The following KCNMB2 variants were observed in gnomAD, a reference collection of about 807,000 sequenced individuals.
KCNMB2 encodes calcium-activated potassium channel subunit beta-2.
In KCNMB2, 9 loss-of-function variants were observed where a neutral mutation model predicts 24.5. That is an observed-to-expected ratio of 0.37 (90% CI 0.22 to 0.64). The LOEUF (loss-of-function observed/expected upper bound fraction) is 0.64. Among genes scored for constraint, KCNMB2 ranks in the 30% least tolerant of loss-of-function variants. The pLI is 0.63. For synonymous variants in KCNMB2, 109 were observed against 104.4 expected, an observed-to-expected ratio of 1.04 and a Z score of -0.27; for missense variants, 226 against 284.3, an observed-to-expected ratio of 0.79 and a Z score of 1.47.
intron 1 of KCNMB2, among the ~76,000 whole-genome samples, chr3:178,759,362 TCTCC>T (rs1176102069): frequency 0.025 from 1,185 of 48,366 alleles, 247 homozygotes; most frequent in Middle Eastern, 0.083. Context: ...TATATATATA[TCTCC>T]AAGAGGATAT....
At chr3:178,570,408 A>T (rs935900582) in intron 1 of KCNMB2, among the ~76,000 whole-genome samples, 1 of 152,162 alleles carries the variant, frequency 6.6e-6, no homozygotes, top group Non-Finnish European at 1.5e-5. Context: ...AAATATTTCA[A>T]GAAGACTAGA....
chr3:178,568,378 C>T (rs1464508209), intron 1 of KCNMB2, among the ~76,000 whole-genome samples: 4 of 152,168 alleles, frequency 2.6e-5, no homozygotes, highest in Admixed American at 1.3e-4. Context: ...ATGTATGTTC[C>T]TGCTATGTTT....
rs112641792 is a variant in KCNMB2 at position 178,550,168 on chromosome 3, C to T, written c.-68+13457C>T. Among the ~76,000 whole-genome samples the T allele has an allele frequency of 1.6e-3, 240 of 151,896 alleles. 3 individuals carry two copies. The highest frequency in any genetic ancestry group is 5.2e-3 in the African/African-American group (215 of 41,424). The stretch of plus-strand genomic sequence containing the variant: ...TTCCTTTGTTAAAAAATGATTTGCC[C>T]GGCCAGGCACAGTGGCTCACGCCTG... On this transcript the variant is annotated intron_variant, in intron 1 of 4. Transcript: ENST00000452583.
intron 1 of KCNMB2, among the ~76,000 whole-genome samples, chr3:178,688,883 T>C (rs1721565297): frequency 6.6e-6 from 1 of 152,196 alleles, no homozygotes; most frequent in Non-Finnish European, 1.5e-5. Flanking sequence ...AATATCTATA[T>C]GTACCAGCTT....
chr3:178,659,458 T>G (rs1276336602), intron 1 of KCNMB2, among the ~76,000 whole-genome samples: 2 of 152,360 alleles, frequency 1.3e-5, no homozygotes, highest in African/African-American at 2.4e-5. Context: ...TCAACTTTGA[T>G]GTCAATTTCA....
rs138048794 is a variant in KCNMB2 at position 178,660,460 on chromosome 3, A to C, written c.-68+123749A>C. 1.6e-3 allele frequency among the ~76,000 whole-genome samples: 251 copies of C among 152,266 alleles called. 1 individual carries two copies. The highest frequency in any genetic ancestry group is 2.4e-3 in the Non-Finnish European group (161 of 68,010). ...TCACTGGGGCCCCTTCCCAAGAAGG[A>C]CCACCTGGAACCAGGAAACAACTAC... is the stretch of plus-strand genomic sequence containing the variant. On this transcript the variant is annotated intron_variant, in intron 1 of 4. Transcript: ENST00000452583.
At chr3:178,741,546 C>A (rs1488410417) in intron 1 of KCNMB2, among the ~76,000 whole-genome samples, 1 of 152,152 alleles carries the variant, frequency 6.6e-6, no homozygotes, top group Non-Finnish European at 1.5e-5. Context: ...ACAGGTCATC[C>A]CTCCCTGTCT....
intron 1 of KCNMB2, among the ~76,000 whole-genome samples, chr3:178,658,116 T>A (rs576140115): frequency 1.3e-5 from 2 of 152,228 alleles, no homozygotes; most frequent in Non-Finnish European, 2.9e-5. Context: ...TAGAATCCCA[T>A]CCAGCTTAAA....
Position 178,724,480 on chromosome 3 carries a change from TTTG to T in KCNMB2, c.-67-82858_-67-82856del, listed in dbSNP as rs1467506744. Among the ~76,000 whole-genome samples the T allele has an allele frequency of 2.0e-5, 3 of 152,254 alleles. 1 individual carries two copies. The East Asian group carries it at 5.8e-4, about 29-fold the overall frequency. Reference sequence around the variant, plus strand: ...CCTGCTTTCTCTGTTGATAGTTTCTTTTGTTGTACAGAAGCTCTTTAGTTTAAT... The same window carrying T: ...CCTGCTTTCTCTGTTGATAGTTTCTTTTGTACAGAAGCTCTTTAGTTTAAT... On this transcript the variant is annotated intron_variant, in intron 1 of 4. Transcript: ENST00000452583.
At chr3:178,812,926 T>A (rs2108456780) in intron 2 of KCNMB2, among the ~76,000 whole-genome samples, 1 of 152,346 alleles carries the variant, frequency 6.6e-6, no homozygotes, top group Non-Finnish European at 1.5e-5. Context: ...GTGTATTTAC[T>A]ATTCTTAGCC....
At chr3:178,593,749 T>C (rs1356512343) in intron 1 of KCNMB2, among the ~76,000 whole-genome samples, 1 of 151,570 alleles carries the variant, frequency 6.6e-6, no homozygotes, top group East Asian at 1.9e-4. Context: ...TGTTGCAATG[T>C]CCTTCCAACA....
intron 2 of KCNMB2, among the ~76,000 whole-genome samples, chr3:178,817,228 A>ATATATATATATATATAT (rs1553781212): frequency 2.0e-5 from 2 of 102,404 alleles, no homozygotes; most frequent in African/African-American, 1.1e-4. Flanking sequence ...TATATATATA[A>ATATATATATATATATAT]ATGAAGTGTG....
At chr3:178,545,441 A>C (rs1410807429) in intron 1 of KCNMB2, among the ~76,000 whole-genome samples, 1 of 152,206 alleles carries the variant, frequency 6.6e-6, no homozygotes, top group Non-Finnish European at 1.5e-5. Flanking sequence ...TCATCCACAA[A>C]GGTAAAATAT....
intron 1 of KCNMB2, among the ~76,000 whole-genome samples, chr3:178,697,710 C>A (rs1721931399): frequency 6.6e-6 from 1 of 152,102 alleles, no homozygotes; most frequent in Non-Finnish European, 1.5e-5. Flanking sequence ...TGGTATGTGT[C>A]CTTCAGTGTG....
chr3:178,787,651 A>G (rs534352701), intron 1 of KCNMB2, among the ~76,000 whole-genome samples: 5 of 152,178 alleles, frequency 3.3e-5, no homozygotes, highest in African/African-American at 9.6e-5. Context: ...ACACTCTTCT[A>G]TCATCCCTCA....
At chr3:178,644,067 C>G (rs1719821557) in intron 1 of KCNMB2, among the ~76,000 whole-genome samples, 1 of 152,252 alleles carries the variant, frequency 6.6e-6, no homozygotes, top group Non-Finnish European at 1.5e-5. Flanking sequence ...ATGTCACTAA[C>G]TGTACCTGGT....
intron 1 of KCNMB2, among the ~76,000 whole-genome samples, chr3:178,806,331 A>C (rs116014520): frequency 0.01 from 1,585 of 152,306 alleles, 27 homozygotes; most frequent in African/African-American, 0.037. Context: ...AGATATATGC[A>C]TGTTCATTTC....
intron 1 of KCNMB2, among the ~76,000 whole-genome samples, chr3:178,785,797 G>A (rs1713077333): frequency 6.6e-6 from 1 of 151,964 alleles, no homozygotes; most frequent in South Asian, 2.1e-4. Flanking sequence ...AGGTATATTA[G>A]GATATATAAA....
At chr3:178,613,714 G>A (rs1244861248) in intron 1 of KCNMB2, among the ~76,000 whole-genome samples, 1 of 152,142 alleles carries the variant, frequency 6.6e-6, no homozygotes, top group Non-Finnish European at 1.5e-5. Flanking sequence ...TCCATTATAT[G>A]TTATTTGTTT....
Sources: allele counts gnomAD v4.1 joint callset (sites outside exome capture counted in the v4.1 genomes callset), GRCh38; gene constraint gnomAD v4.1.1; transcripts MANE v1.5; gene names NCBI Gene and HGNC (gene_info 2026-07-23, HGNC 2026-07-21).